The following PJA2 variants were observed in gnomAD, a reference collection of about 807,000 sequenced individuals.
PJA2 encodes the protein E3 ubiquitin-protein ligase Praja-2.
Under a neutral mutation model 69.3 loss-of-function variants are expected in PJA2, and 25 were observed. The observed-to-expected ratio is 0.36, with a 90% CI of 0.26 to 0.50. The LOEUF is 0.50. Ranked by LOEUF, PJA2 falls within the 20% of genes least tolerant of loss-of-function variation. The probability of loss-of-function intolerance (pLI) is 0.96; values close to 1 mark genes in which losing one functional copy is unlikely to be tolerated. For missense variants in PJA2, 809 were observed against 830.2 expected (o/e 0.97, Z 0.31); for synonymous variants, 308 against 277.8 (o/e 1.11, Z -1.08).
At chr5:109,352,004 CTCAA>C (rs1421599780) in intron 7 of PJA2, among the ~76,000 whole-genome samples, 142 of 152,182 alleles carry the variant, frequency 9.3e-4, no homozygotes, top group Non-Finnish European at 1.2e-4. Flanking sequence ...AGTGAAACAT[CTCAA>C]TCAAATTCAA....
chr5:109,362,793 T>A (rs79685605), intron 6 of PJA2, 47 bp downstream of exon 6: 1 of 1,473,428 alleles, frequency 6.8e-7, no homozygotes, highest in African/African-American at 1.4e-5. Context: ...ATTAGAATCA[T>A]GAACTCAGAG....
At chr5:109,404,904 T>C (rs894328527) in intron 1 of PJA2, among the ~76,000 whole-genome samples, 74 of 152,222 alleles carry the variant, frequency 4.9e-4, no homozygotes, top group African/African-American at 1.8e-3. Context: ...GGATATCTGC[T>C]TTCACCACTG....
intron 7 of PJA2, among the ~76,000 whole-genome samples, chr5:109,347,312 G>A (rs1260415030): frequency 6.6e-6 from 1 of 152,156 alleles, no homozygotes; most frequent in East Asian, 1.9e-4. Context: ...TTTAAGTTTT[G>A]TCAGCAGAAG....
intron 1 of PJA2, among the ~76,000 whole-genome samples, chr5:109,402,534 T>C (rs1030433084): frequency 3.9e-5 from 6 of 152,112 alleles, no homozygotes; most frequent in Non-Finnish European, 7.4e-5. Flanking sequence ...ATACACATGA[T>C]GCAAAAACTG....
At chr5:109,404,523 T>A (rs1478825749) in intron 1 of PJA2, among the ~76,000 whole-genome samples, 4 of 151,750 alleles carry the variant, frequency 2.6e-5, no homozygotes, top group South Asian at 2.1e-4. Flanking sequence ...CAAAAAAAAA[T>A]AGAAATAAAA....
intron 7 of PJA2, among the ~76,000 whole-genome samples, chr5:109,350,755 CCCA>C (rs1762236854): frequency 1.3e-5 from 2 of 152,114 alleles, no homozygotes; most frequent in South Asian, 4.1e-4. Flanking sequence ...AACACAAAAG[CCCA>C]CCTTCTAAAC....
At chr5:109,394,808 G>A (rs1019880417) in intron 1 of PJA2, among the ~76,000 whole-genome samples, 6 of 152,190 alleles carry the variant, frequency 3.9e-5, no homozygotes, top group African/African-American at 9.7e-5. Context: ...AAGATCTCAT[G>A]AAAATTCAAC....
At chr5:109,390,243 T>G (rs1244394247) in intron 1 of PJA2, among the ~76,000 whole-genome samples, 1 of 152,060 alleles carries the variant, frequency 6.6e-6, no homozygotes, top group Admixed American at 6.5e-5. Flanking sequence ...CTATTTTAGC[T>G]TCTGTCTTAC....
intron 9 of PJA2, among the ~76,000 whole-genome samples, chr5:109,341,392 C>A (rs1200275139): frequency 1.4e-5 from 2 of 144,192 alleles, no homozygotes; most frequent in African/African-American, 2.6e-5. Context: ...AGTGAGGAGA[C>A]CCTCTGCCGG....
chr5:109,379,999 G>A (rs375924792), intron 3 of PJA2, among the ~76,000 whole-genome samples: 1 of 150,476 alleles, frequency 6.6e-6, no homozygotes. Context: ...AGATTTGCTG[G>A]AATAAAAATT....
intron 1 of PJA2, among the ~76,000 whole-genome samples, chr5:109,400,244 T>A (rs1747508779): frequency 6.8e-6 from 1 of 148,016 alleles, no homozygotes; most frequent in African/African-American, 2.5e-5. Flanking sequence ...TGAGCCAAGA[T>A]CACACCACTG....
intron 1 of PJA2, among the ~76,000 whole-genome samples, chr5:109,396,000 C>G (rs74571872): frequency 9.3e-6 from 1 of 107,938 alleles, no homozygotes; most frequent in African/African-American, 4.6e-5. Flanking sequence ...AACTCTATCT[C>G]AAAAAAAAAA....
chr5:109,390,837 T>G (rs1037087214), intron 1 of PJA2: 1 of 152,172 alleles, frequency 6.6e-6, no homozygotes, highest in Non-Finnish European at 1.5e-5. Flanking sequence ...CTTTCTCTAA[T>G]GAGTATTTTA....
At chr5:109,408,075 T>C (rs1182812530) in intron 1 of PJA2, among the ~76,000 whole-genome samples, 1 of 152,170 alleles carries the variant, frequency 6.6e-6, no homozygotes, top group Non-Finnish European at 1.5e-5. Flanking sequence ...AAATTTAAAA[T>C]ATGCATAATC....
chr5:109,379,629 CTTCT>C (rs1347556587), intron 3 of PJA2, among the ~76,000 whole-genome samples: 1 of 152,162 alleles, frequency 6.6e-6, no homozygotes, highest in African/African-American at 2.4e-5. Flanking sequence ...CCAAACTTAC[CTTCT>C]TTATTATATG....
At chr5:109,409,582 G>C (rs1049294662) in intron 1 of PJA2, among the ~76,000 whole-genome samples, 2 of 152,240 alleles carry the variant, frequency 1.3e-5, no homozygotes, top group East Asian at 3.9e-4. Flanking sequence ...TCATCTGTCG[G>C]GGGGCGGCGG....
intron 1 of PJA2, among the ~76,000 whole-genome samples, chr5:109,398,290 G>T (rs1022768928): frequency 6.6e-6 from 1 of 152,026 alleles, no homozygotes; most frequent in Non-Finnish European, 1.5e-5. Flanking sequence ...ATACCCAAAG[G>T]ATTATAAATC....
chr5:109,406,295 C>T (rs1373532349), intron 1 of PJA2, among the ~76,000 whole-genome samples: 1 of 152,194 alleles, frequency 6.6e-6, no homozygotes, highest in Non-Finnish European at 1.5e-5. Context: ...CTGCCTCGGA[C>T]TCCCAAAGTG....
chr5:109,390,206 G>C (rs1178533970), intron 1 of PJA2, among the ~76,000 whole-genome samples: 1 of 151,894 alleles, frequency 6.6e-6, no homozygotes, highest in Non-Finnish European at 1.5e-5. Context: ...TCTCCAGCTA[G>C]GAATACAGAT....
Sources: allele counts gnomAD v4.1 joint callset (sites outside exome capture counted in the v4.1 genomes callset), GRCh38; gene constraint gnomAD v4.1.1; transcripts MANE v1.5; gene names NCBI Gene and HGNC (gene_info 2026-07-23, HGNC 2026-07-21).